PDHX: variants seen among roughly 807,000 people sequenced by gnomAD.
PDHX encodes pyruvate dehydrogenase protein X component, mitochondrial.
Under a neutral mutation model 55.3 loss-of-function variants are expected in PDHX, and 33 were observed. That is an observed-to-expected ratio of 0.60 (90% CI 0.45 to 0.80). The LOEUF is 0.80. Ranked by LOEUF, PDHX falls within the 30% of genes least tolerant of loss-of-function variation. The probability of loss-of-function intolerance (pLI) is 0.00; values close to 1 mark genes in which losing one functional copy is unlikely to be tolerated. For synonymous variants in PDHX, 226 were observed against 219.4 expected, an observed-to-expected ratio of 1.03 and a Z score of -0.27; for missense variants, 622 against 619.9, an observed-to-expected ratio of 1.00 and a Z score of -0.04.
intron 9 of PDHX, among the ~76,000 whole-genome samples, chr11:34,986,155 A>G (rs941855458): frequency 6.6e-6 from 1 of 152,148 alleles, no homozygotes; most frequent in Admixed American, 6.5e-5. Context: ...AAATACAAAA[A>G]TTAGCTGGGC....
chr11:34,957,311 C>A, intron 3 of PDHX, 73 bp from the exon 4 acceptor site: 1 of 1,067,814 alleles, frequency 9.4e-7, no homozygotes, highest in Non-Finnish European at 1.4e-6. Context: ...GAGAATTACC[C>A]AACAAAAGAA....
rs1249947336 is a variant in PDHX at position 34,931,477 on chromosome 11, A to G, written c.234A>G (p.Lys78=). The G allele has an allele frequency of 6.3e-7, 1 of 1,590,890 alleles. No individual in the cohort carries two copies. Among genetic ancestry groups the G allele is most frequent in the Admixed American group, 1.7e-5 (1 of 59,784 alleles). The part of the protein sequence containing the change: ...MEEGNIVKWL[K]KEGEAVSAGD... Reference sequence around the variant, plus strand: ...AAGGAAACATTGTGAAATGGCTGAAAAAGGAAGGTGAGGAGGTACCTTCCT... The same window carrying G: ...AAGGAAACATTGTGAAATGGCTGAAGAAGGAAGGTGAGGAGGTACCTTCCT... Residue 78 remains lysine, a synonymous_variant, in exon 2 of 11, where the codon AAA becomes AAG. Transcript: ENST00000227868.
chr11:34,936,913 C>T (rs1354892699), intron 2 of PDHX, among the ~76,000 whole-genome samples: 2 of 151,514 alleles, frequency 1.3e-5, no homozygotes, highest in South Asian at 2.1e-4. Context: ...CTCAGCCTCC[C>T]AAGTAGCTGG....
intron 3 of PDHX, among the ~76,000 whole-genome samples, chr11:34,951,758 A>C (rs1335040103): frequency 6.6e-6 from 1 of 152,184 alleles, no homozygotes; most frequent in East Asian, 1.9e-4. Context: ...TGTTTTAGAC[A>C]TGAAGTCCTT....
intron 2 of PDHX, among the ~76,000 whole-genome samples, chr11:34,945,797 A>G (rs946191308): frequency 1.3e-5 from 2 of 152,196 alleles, no homozygotes; most frequent in Non-Finnish European, 2.9e-5. Flanking sequence ...TTTTGTATAC[A>G]TGTATACCCA....
chr11:34,924,498 G>A (rs969507698), intron 1 of PDHX, among the ~76,000 whole-genome samples: 10 of 152,276 alleles, frequency 6.6e-5, no homozygotes, highest in Non-Finnish European at 1.3e-4. Context: ...TGGGATTACA[G>A]GCATGAGCCA....
chr11:34,926,411 A>C (rs1854022524), intron 1 of PDHX, among the ~76,000 whole-genome samples: 1 of 152,164 alleles, frequency 6.6e-6, no homozygotes, highest in South Asian at 2.1e-4. Flanking sequence ...AATGTTAGAG[A>C]CAGGGAGCCA....
intron 10 of PDHX, among the ~76,000 whole-genome samples, chr11:34,992,902 T>C (rs1855785986): frequency 6.6e-6 from 1 of 152,132 alleles, no homozygotes. Flanking sequence ...TTAGAAGCTT[T>C]AGCAGCTACT....
intron 4 of PDHX, among the ~76,000 whole-genome samples, chr11:34,958,164 G>GTATTCTA (rs1473905072): frequency 2.0e-5 from 3 of 152,150 alleles, no homozygotes; most frequent in African/African-American, 4.8e-5. Flanking sequence ...CATTTATTTA[G>GTATTCTA]TATTCTATAT....
At chr11:34,983,460 A>T (rs1004180771) in intron 8 of PDHX, among the ~76,000 whole-genome samples, 14 of 152,208 alleles carry the variant, frequency 9.2e-5, no homozygotes, top group Admixed American at 9.2e-4. Flanking sequence ...AGGGTATTCA[A>T]TTAGGAAAAG....
At chr11:34,941,496 GTTA>G (rs1013712681) in intron 2 of PDHX, among the ~76,000 whole-genome samples, 12 of 152,068 alleles carry the variant, frequency 7.9e-5, no homozygotes, top group African/African-American at 1.9e-4. Context: ...TCTGATTATT[GTTA>G]TCATTATGGT....
At chr11:34,980,015 CT>C (rs1033242545) in intron 8 of PDHX, among the ~76,000 whole-genome samples, 109 of 144,632 alleles carry the variant, frequency 7.5e-4, no homozygotes, top group East Asian at 3.8e-3. Context: ...GCAGCTTTCC[CT>C]TTTTTTTTTT....
chr11:34,916,513 G>C (rs1289395346), upstream of PDHX: 1 of 1,456,214 alleles, frequency 6.9e-7, no homozygotes, highest in Admixed American at 2.4e-5. Flanking sequence ...TGGAGGCGGG[G>C]CTGGGTTGGG....
intron 6 of PDHX, among the ~76,000 whole-genome samples, chr11:34,967,728 T>G (rs1855167081): frequency 6.6e-6 from 1 of 152,202 alleles, no homozygotes; most frequent in African/African-American, 2.4e-5. Context: ...TAGATAAATG[T>G]GTACTCCTAG....
chr11:34,945,304 AG>A (rs1376243632), intron 2 of PDHX, among the ~76,000 whole-genome samples: 2 of 152,202 alleles, frequency 1.3e-5, no homozygotes, highest in African/African-American at 4.8e-5. Flanking sequence ...AAATACTAGT[AG>A]TTAACATTTT....
At chr11:34,969,438 G>A (rs763715108) in intron 6 of PDHX, among the ~76,000 whole-genome samples, 33 of 150,646 alleles carry the variant, frequency 2.2e-4, no homozygotes, top group African/African-American at 7.6e-4. Flanking sequence ...CTGTCTCCCC[G>A]GTTCAAGTGA....
intron 2 of PDHX, among the ~76,000 whole-genome samples, chr11:34,939,187 T>C (rs1008597775): frequency 2.0e-5 from 3 of 152,260 alleles, no homozygotes; most frequent in Non-Finnish European, 2.9e-5. Flanking sequence ...AGCATACTTT[T>C]CATATATTTT....
intron 1 of PDHX, among the ~76,000 whole-genome samples, chr11:34,930,099 G>A (rs1257306521): frequency 6.6e-6 from 1 of 152,230 alleles, no homozygotes; most frequent in Non-Finnish European, 1.5e-5. Flanking sequence ...GGTGGGGCCT[G>A]TGGAGCTGCT....
rs1467050993 is a variant in PDHX at position 34,950,765 on chromosome 11, C to T, written c.342+3159C>T. On this transcript the variant is annotated intron_variant, in intron 3 of 10. Transcript: ENST00000227868. ...GTATATGTGCCACATTTTCTTAATC[C>T]AGTCTATCATTGTTGGACATTTGGG... Among the ~76,000 whole-genome samples, 259 of 150,504 alleles carry T rather than the reference C, an allele frequency of 1.7e-3. 1 individual carries two copies. Among genetic ancestry groups the T allele is most frequent in the Admixed American group, 3.4e-3 (52 of 15,100 alleles).
Sources: gnomAD v4.1 joint callset for allele counts (sites outside exome capture counted in the v4.1 genomes callset) on GRCh38, gnomAD v4.1.1 for gene constraint, MANE v1.5 for transcripts, NCBI Gene and HGNC (gene_info 2026-07-23, HGNC 2026-07-21) for gene names.